SLIT2: variants seen among roughly 807,000 people sequenced by gnomAD.
SLIT2 encodes the protein slit guidance ligand 2.
Under a neutral mutation model 185.7 loss-of-function variants are expected in SLIT2, and 41 were observed. The observed-to-expected ratio is 0.22, with a 90% CI of 0.17 to 0.29. SLIT2 has a LOEUF of 0.29. Ranked by LOEUF, SLIT2 falls within the 10% of genes least tolerant of loss-of-function variation. The pLI is 1.00. For synonymous variants in SLIT2, 693 were observed against 680.2 expected, an observed-to-expected ratio of 1.02 and a Z score of -0.29; for missense variants, 1,571 against 1,909.0, an observed-to-expected ratio of 0.82 and a Z score of 3.30.
At chr4:20,494,271 G>A (rs1718035353) in intron 9 of SLIT2, among the ~76,000 whole-genome samples, 1 of 152,196 alleles carries the variant, frequency 6.6e-6, no homozygotes, top group Admixed American at 6.5e-5. Context: ...AGCAAACATA[G>A]TAGCAGAATT....
chr4:20,341,789 G>C (rs140172637), intron 4 of SLIT2, among the ~76,000 whole-genome samples: 18 of 152,296 alleles, frequency 1.2e-4, no homozygotes, highest in African/African-American at 4.3e-4. Context: ...CTTAATACTA[G>C]AAATAATTAT....
intron 4 of SLIT2, among the ~76,000 whole-genome samples, chr4:20,362,356 A>G (rs1722806019): frequency 6.6e-6 from 1 of 152,142 alleles, no homozygotes; most frequent in South Asian, 2.1e-4. Context: ...AGGGAACCTG[A>G]CAAGGATACC....
At chr4:20,508,083 A>T (rs1477204043) in intron 9 of SLIT2, among the ~76,000 whole-genome samples, 2 of 152,040 alleles carry the variant, frequency 1.3e-5, no homozygotes, top group Admixed American at 1.3e-4. Flanking sequence ...TTTGAAAAAA[A>T]ACTCCCTTTC....
At chr4:20,518,849 GC>G (rs1720556166) in intron 11 of SLIT2, among the ~76,000 whole-genome samples, 1 of 149,634 alleles carries the variant, frequency 6.7e-6, no homozygotes, top group South Asian at 2.1e-4. Flanking sequence ...CTCGTGATCC[GC>G]CCGCCTCGGC....
intron 4 of SLIT2, among the ~76,000 whole-genome samples, chr4:20,361,984 C>A (rs1306614347): frequency 6.6e-6 from 1 of 152,030 alleles, no homozygotes; most frequent in Non-Finnish European, 1.5e-5. Flanking sequence ...TCAAAATACA[C>A]CATTCAGGAT....
At chr4:20,322,792 T>G (rs926790457) in intron 4 of SLIT2, among the ~76,000 whole-genome samples, 2 of 152,186 alleles carry the variant, frequency 1.3e-5, no homozygotes, top group African/African-American at 4.8e-5. Flanking sequence ...GACTTCTTTA[T>G]AGGTTTCGGT....
At chr4:20,434,637 A>G (rs774986071) in intron 4 of SLIT2, among the ~76,000 whole-genome samples, 5 of 152,204 alleles carry the variant, frequency 3.3e-5, no homozygotes, top group Non-Finnish European at 7.3e-5. Context: ...AGTGGAAAGT[A>G]TTTTCAGTAA....
intron 9 of SLIT2, among the ~76,000 whole-genome samples, chr4:20,495,538 G>A (rs79580682): frequency 4.6e-5 from 7 of 152,250 alleles, no homozygotes; most frequent in African/African-American, 1.4e-4. Flanking sequence ...TCTTATGATC[G>A]TGATTTTCTT....
At chr4:20,414,930 G>C (rs1727536465) in intron 4 of SLIT2, among the ~76,000 whole-genome samples, 1 of 152,072 alleles carries the variant, frequency 6.6e-6, no homozygotes, top group Admixed American at 6.5e-5. Flanking sequence ...AATTTTGGAA[G>C]TTTTCAGCCA....
chr4:20,491,941 T>G (rs769093043), intron 9 of SLIT2, 42 bp downstream of exon 9: 7 of 1,592,370 alleles, frequency 4.4e-6, no homozygotes, highest in Non-Finnish European at 6.0e-6. Context: ...ACCTTCCCGG[T>G]GAACCAAACT....
Position 20,254,877 on chromosome 4 carries a change from C to T in SLIT2, c.179+883C>T. 2 of 455,536 alleles carry T rather than the reference C, an allele frequency of 4.4e-6. No individual in the cohort carries two copies. Among genetic ancestry groups the T allele is most frequent in the Admixed American group, 4.7e-5 (2 of 42,528 alleles). The allele number at this position is 455,536 out of a possible 1,614,324, so 28.2% of individuals were successfully genotyped here. A position where few individuals can be genotyped will look rare whatever the true frequency, so the allele number is the denominator to read the frequency against. ...GTGGCAGCAGTTCCCCTGCCTTCCCCTCTTCGCGCTCCGTTGCTCGCAGAC... is the reference window on the plus strand; with the variant it reads ...GTGGCAGCAGTTCCCCTGCCTTCCCTTCTTCGCGCTCCGTTGCTCGCAGAC... On this transcript the variant is annotated intron_variant, in intron 1 of 36. Transcript: ENST00000504154. The surrounding 1 kb of genome is among the most constrained non-coding windows in gnomAD (Gnocchi z 5.1).
At chr4:20,500,299 A>G (rs1221000315) in intron 9 of SLIT2, among the ~76,000 whole-genome samples, 2 of 152,204 alleles carry the variant, frequency 1.3e-5, no homozygotes, top group Non-Finnish European at 2.9e-5. Flanking sequence ...AATTTAGAAA[A>G]TGTTATAAAA....
chr4:20,591,080 A>T (rs1727480007), intron 30 of SLIT2, among the ~76,000 whole-genome samples: 1 of 152,220 alleles, frequency 6.6e-6, no homozygotes, highest in East Asian at 1.9e-4. Flanking sequence ...AGCAATATTT[A>T]TTGAGTGCCT....
At chr4:20,578,218 T>C (rs1439632204) in intron 29 of SLIT2, among the ~76,000 whole-genome samples, 1 of 152,198 alleles carries the variant, frequency 6.6e-6, no homozygotes, top group African/African-American at 2.4e-5. Flanking sequence ...TGTGCCACTT[T>C]ACTAGCGAAT....
chr4:20,388,633 G>A (rs1363073811), intron 4 of SLIT2, among the ~76,000 whole-genome samples: 2 of 151,650 alleles, frequency 1.3e-5, no homozygotes, highest in Non-Finnish European at 2.9e-5. Context: ...AATTAACCAG[G>A]CGTGGTGGCG....
At chr4:20,611,360 G>T (rs1193016493) in intron 34 of SLIT2, among the ~76,000 whole-genome samples, 1 of 152,116 alleles carries the variant, frequency 6.6e-6, no homozygotes, top group Non-Finnish European at 1.5e-5. Flanking sequence ...GGAAGTCTTT[G>T]GTTCAATTCT....
At chr4:20,304,781 A>G (rs1346136345) in intron 4 of SLIT2, among the ~76,000 whole-genome samples, 3 of 152,012 alleles carry the variant, frequency 2.0e-5, no homozygotes, top group Non-Finnish European at 4.4e-5. Flanking sequence ...CCCCCACCAT[A>G]CCATACAAAA....
At chr4:20,375,977 T>C (rs528492327) in intron 4 of SLIT2, among the ~76,000 whole-genome samples, 12 of 152,070 alleles carry the variant, frequency 7.9e-5, no homozygotes, top group Admixed American at 2.6e-4. Flanking sequence ...ATTTTATAAA[T>C]TTAAGCAGTA....
intron 9 of SLIT2, among the ~76,000 whole-genome samples, chr4:20,508,651 A>G (rs1719424023): frequency 6.6e-6 from 1 of 152,134 alleles, no homozygotes; most frequent in African/African-American, 2.4e-5. Flanking sequence ...ATAAATAAAT[A>G]TGCAAGCAAA....
Sources: gnomAD v4.1 joint callset for allele counts (sites outside exome capture counted in the v4.1 genomes callset) on GRCh38, gnomAD v4.1.1 for gene constraint, Gnocchi (gnomAD v3.1) non-coding constraint, MANE v1.5 for transcripts, NCBI Gene and HGNC (gene_info 2026-07-23, HGNC 2026-07-21) for gene names.